SLC24A2: variants seen among roughly 807,000 people sequenced by gnomAD.
SLC24A2 encodes sodium/potassium/calcium exchanger 2.
A neutral mutation model predicts 62.0 loss-of-function variants in SLC24A2; 36 were observed. That is an observed-to-expected ratio of 0.58 (90% CI 0.44 to 0.77). SLC24A2 has a LOEUF of 0.77. Ranked by LOEUF, SLC24A2 falls within the 30% of genes least tolerant of loss-of-function variation. SLC24A2 has a pLI of 0.00. For synonymous variants in SLC24A2, 358 were observed against 294.0 expected (o/e 1.22, Z -2.23); for missense variants, 846 against 817.9 (o/e 1.03, Z -0.42).
the SLC24A2 span, among the ~76,000 whole-genome samples, chr9:19,896,903 G>A: frequency 6.6e-6 from 1 of 152,280 alleles, no homozygotes; most frequent in South Asian, 2.1e-4. Flanking sequence ...GTCATGTTAT[G>A]ATTATTCTTT....
At chr9:20,249,777 T>C in the SLC24A2 span, among the ~76,000 whole-genome samples, 6 of 151,890 alleles carry the variant, frequency 4.0e-5, no homozygotes, top group African/African-American at 7.3e-5. Context: ...TCTGCTATTA[T>C]TAAAATCATG....
At chr9:19,689,533 C>T (rs1819983104) in intron 2 of SLC24A2, among the ~76,000 whole-genome samples, 1 of 152,110 alleles carries the variant, frequency 6.6e-6, no homozygotes, top group Admixed American at 6.6e-5. Context: ...TAGATGACGT[C>T]ATGTTTATTA....
At chr9:20,176,614 G>C in the SLC24A2 span, among the ~76,000 whole-genome samples, 1 of 152,200 alleles carries the variant, frequency 6.6e-6, no homozygotes, top group South Asian at 2.1e-4. Context: ...GCCAACCATA[G>C]ACACCGATGA....
the SLC24A2 span, among the ~76,000 whole-genome samples, chr9:20,303,610 A>C: frequency 6.6e-6 from 1 of 152,164 alleles, no homozygotes; most frequent in Non-Finnish European, 1.5e-5. Context: ...ACAATCAAGC[A>C]AGAGACATTT....
At chr9:19,699,512 T>C (rs1820294845) in intron 2 of SLC24A2, among the ~76,000 whole-genome samples, 1 of 152,206 alleles carries the variant, frequency 6.6e-6, no homozygotes, top group Non-Finnish European at 1.5e-5. Context: ...AATATTATGA[T>C]ACATGAGGCA....
chr9:19,989,099 A>T, the SLC24A2 span, among the ~76,000 whole-genome samples: 3 of 152,172 alleles, frequency 2.0e-5, no homozygotes, highest in Non-Finnish European at 4.4e-5. Flanking sequence ...TTTTATAAAA[A>T]TATATTTTAA....
At chr9:19,606,345 G>A (rs183907997) in intron 4 of SLC24A2, among the ~76,000 whole-genome samples, 7 of 152,318 alleles carry the variant, frequency 4.6e-5, no homozygotes, top group African/African-American at 2.4e-5. Context: ...TGGTCTCAGG[G>A]CCTTAGAGTA....
At chr9:19,826,196 C>A in the SLC24A2 span, among the ~76,000 whole-genome samples, 1 of 144,416 alleles carries the variant, frequency 6.9e-6, no homozygotes, top group South Asian at 2.2e-4. Flanking sequence ...AAAAAAGGCT[C>A]AGCAAACACT....
chr9:19,957,257 C>T, the SLC24A2 span: 1 of 108,850 alleles, frequency 9.2e-6, no homozygotes, highest in Admixed American at 1.1e-4. Flanking sequence ...TAGATCTAGC[C>T]TCAGTTTAAC....
chr9:20,188,774 T>C, the SLC24A2 span, among the ~76,000 whole-genome samples: 1 of 152,140 alleles, frequency 6.6e-6, no homozygotes, highest in Non-Finnish European at 1.5e-5. Flanking sequence ...AGGAAACAGA[T>C]GCTCCCTAGA....
Position 19,785,947 on chromosome 9 carries a change from G to A in SLC24A2, c.920C>T (p.Ala307Val), listed in dbSNP as rs746162610. The change falls in exon 2 of 11, where the codon GCC (alanine) becomes GTC (valine). Residue 307 changes from alanine (A) to valine (V), a missense_variant. Transcript: ENST00000341998. ...TCCACCACCACCAACCTTTGCTTGGGCTTCTGGTGCTGTCACCTTGACGAC... is the reference window on the plus strand; with the variant it reads ...TCCACCACCACCAACCTTTGCTTGGACTTCTGGTGCTGTCACCTTGACGAC... ...NKVVKVTAPE[A>V]QAKPSAARDK... is the part of the protein sequence containing the mutation. The A allele has an allele frequency of 6.2e-6, 10 of 1,614,016 alleles. No individual in the cohort carries two copies. The highest frequency in any genetic ancestry group is 4.5e-5 in the East Asian group (2 of 44,890).
At chr9:19,668,189 T>C (rs150641281) in intron 2 of SLC24A2, among the ~76,000 whole-genome samples, 1 of 152,164 alleles carries the variant, frequency 6.6e-6, no homozygotes, top group African/African-American at 2.4e-5. Context: ...TTACTCCTTA[T>C]CTTCCACTAC....
chr9:20,286,580 G>C, the SLC24A2 span, among the ~76,000 whole-genome samples: 2 of 152,188 alleles, frequency 1.3e-5, no homozygotes, highest in Non-Finnish European at 2.9e-5. Context: ...TATGCTGCAA[G>C]GGGGGGCTGA....
In SLC24A2 at chr9:19,599,381, G is replaced by A. The variant is rs1185018679; in HGVS notation, c.1079-2102C>T. On this transcript the variant is annotated intron_variant, in intron 4 of 10. Coordinates refer to ENST00000341998, the MANE Select transcript of SLC24A2 (RefSeq NM_020344.4). This position sits in a 1 kb window ranked among gnomAD's most constrained non-coding sequence, Gnocchi z 4.5. ...AACAAAAATGAGTCTAATGATGGTG[G>A]AAGAGAAGGAAGAAGAGTAGTGAAA... Among the ~76,000 whole-genome samples the A allele has an allele frequency of 6.6e-6, 1 of 152,174 alleles. No individual in the cohort carries two copies. Among genetic ancestry groups the A allele is most frequent in the Non-Finnish European group, 1.5e-5 (1 of 68,020 alleles).
Position 19,636,315 on chromosome 9 carries a change from T to TTTTCCTTTCTTTC in SLC24A2, c.931-14017_931-14016insGAAAGAAAGGAAA, listed in dbSNP as rs1564009647. Among the ~76,000 whole-genome samples the TTTTCCTTTCTTTC allele has an allele frequency of 2.4e-3, 96 of 40,322 alleles. 12 individuals carry two copies. The highest frequency in any genetic ancestry group is 9.1e-3 in the East Asian group (12 of 1,318). 26.5% of individuals were successfully genotyped at this position (40,322 alleles called of 152,430 possible). On this transcript the variant is annotated intron_variant, in intron 2 of 10. Transcript: ENST00000341998. Reference sequence around the variant, plus strand: ...TTTTCTTTTCTTTTCTTTTCTTTTCTTTTCTTTCTTTCTTTCTTTCTTTCT... The same window carrying TTTTCCTTTCTTTC: ...TTTTCTTTTCTTTTCTTTTCTTTTCTTTTCCTTTCTTTCTTTCTTTCTTTCTTTCTTTCTTTCT...
At chr9:19,957,247 T>C in the SLC24A2 span, 1 of 146,006 alleles carries the variant, frequency 6.8e-6, no homozygotes, top group African/African-American at 2.6e-5. Context: ...GTTGTGTCTC[T>C]AGATCTAGCC....
At chr9:19,784,652 T>C (rs778739401) in intron 2 of SLC24A2, among the ~76,000 whole-genome samples, 1 of 152,208 alleles carries the variant, frequency 6.6e-6, no homozygotes, top group African/African-American at 2.4e-5. Context: ...GAACTTCCAA[T>C]GATGGTCCTA....
chr9:19,974,352 G>GATATAGATATAAAATGTCTATATCT, the SLC24A2 span, among the ~76,000 whole-genome samples: 8 of 152,088 alleles, frequency 5.3e-5, no homozygotes, highest in African/African-American at 1.7e-4. Flanking sequence ...AAATATCTAT[G>GATATAGATATAAAATGTCTATATCT]ATAGACAATT....
the SLC24A2 span, among the ~76,000 whole-genome samples, chr9:20,054,581 C>G: frequency 1.3e-5 from 2 of 152,258 alleles, no homozygotes; most frequent in South Asian, 4.2e-4. Context: ...ACCTCACCCC[C>G]CTCCCATGCT....
Sources: allele counts gnomAD v4.1 joint callset (sites outside exome capture counted in the v4.1 genomes callset), GRCh38; gene constraint gnomAD v4.1.1; non-coding constraint Gnocchi (gnomAD v3.1); transcripts MANE v1.5; gene names NCBI Gene and HGNC (gene_info 2026-07-23, HGNC 2026-07-21).